The following SUN1 variants were observed in gnomAD, a reference collection of about 807,000 sequenced individuals.
SUN1 encodes the protein SUN domain-containing protein 1.
A neutral mutation model predicts 103.2 loss-of-function variants in SUN1; 61 were observed. The ratio of observed to expected loss-of-function variants is 0.59; its 90% CI spans 0.48 to 0.73. The LOEUF is 0.73. Ranked by LOEUF, SUN1 falls within the 30% of genes least tolerant of loss-of-function variation. SUN1 has a pLI of 0.00. For synonymous variants in SUN1, 490 were observed against 425.7 expected, an observed-to-expected ratio of 1.15 and a Z score of -1.86; for missense variants, 1,052 against 1,034.6, an observed-to-expected ratio of 1.02 and a Z score of -0.23.
intron 1 of SUN1, among the ~76,000 whole-genome samples, chr7:824,959 C>T (rs1024417885): frequency 6.6e-5 from 10 of 152,158 alleles, no homozygotes; most frequent in Non-Finnish European, 1.3e-4. Flanking sequence ...ACAGCTAAGG[C>T]AGTGGGAGAC....
chr7:819,811 C>A (rs183196516), intron 1 of SUN1, among the ~76,000 whole-genome samples: 1 of 149,260 alleles, frequency 6.7e-6, no homozygotes, highest in East Asian at 2.0e-4. Context: ...CAGGTTCAAA[C>A]GCTTCTCCCG....
chr7:855,785 C>G (rs969842991), intron 11 of SUN1, among the ~76,000 whole-genome samples: 4 of 152,016 alleles, frequency 2.6e-5, no homozygotes, highest in African/African-American at 4.8e-5. Context: ...CTGTGGGGCG[C>G]CTCCTCCTCT....
upstream of SUN1, among the ~76,000 whole-genome samples, chr7:828,357 C>T (rs543558645): frequency 2.0e-5 from 3 of 151,776 alleles, no homozygotes; most frequent in African/African-American, 7.3e-5. Flanking sequence ...CTGCAACCTC[C>T]ATCTCCTGGG....
intron 1 of SUN1, among the ~76,000 whole-genome samples, chr7:819,708 C>T (rs1396884190): frequency 2.4e-5 from 3 of 127,042 alleles, no homozygotes; most frequent in Non-Finnish European, 3.3e-5. Flanking sequence ...CCAATGCCAC[C>T]CTTTTTTTTT....
At chr7:845,163 C>T (rs1814180782) in intron 5 of SUN1, among the ~76,000 whole-genome samples, 1 of 152,202 alleles carries the variant, frequency 6.6e-6, no homozygotes, top group Non-Finnish European at 1.5e-5. Flanking sequence ...AAATGTGTGT[C>T]TCTCTGTGAC....
chr7:851,353 G>A lies in SUN1; in HGVS notation c.659-31G>A, dbSNP rs922160432. 7 of 1,554,386 alleles carry A rather than the reference G, an allele frequency of 4.5e-6. No individual in the cohort carries two copies. In the Admixed American group the frequency reaches 7.7e-5, roughly 17 times the overall value. On this transcript the variant is annotated intron_variant, in intron 5 of 18. Coordinates refer to ENST00000401592, the MANE Select transcript of SUN1 (RefSeq NM_001130965.3). ...CTGCAGAGGCTGGTCCCTGGCGTCT[G>A]TCTGAGGCCACACACGTCTTCCCTG...
At chr7:826,292 G>A (rs1200319850) in intron 1 of SUN1, among the ~76,000 whole-genome samples, 1 of 11,186 alleles carries the variant, frequency 8.9e-5, no homozygotes, top group Non-Finnish European at 1.8e-4. Context: ...GCTAGCTGCC[G>A]TTTGACAACC....
At position 874,361 on chromosome 7, in the gene SUN1, ATATT is replaced by A. The variant is rs66844144; in HGVS notation, c.*1033_*1036del. On this transcript the variant is annotated 3_prime_UTR_variant, in exon 19 of 19. Transcript: ENST00000401592. ...TCTTTTTGGTTATAATTACTATTTAATATTTAGACTATTTTACTGAGCAGACTTT... is the reference window on the plus strand; with the variant it reads ...TCTTTTTGGTTATAATTACTATTTAATAGACTATTTTACTGAGCAGACTTT... 328 of 152,722 alleles carry A rather than the reference ATATT, an allele frequency of 2.1e-3. 1 individual carries two copies. Among genetic ancestry groups the A allele is most frequent in the Non-Finnish European group, 3.3e-3 (221 of 67,996 alleles). The allele number at this position is 152,722 out of a possible 1,614,324, so 9.5% of individuals were successfully genotyped here. A position where few individuals can be genotyped will look rare whatever the true frequency, so the allele number is the denominator to read the frequency against.
At chr7:835,342 C>G (rs982103283) in intron 1 of SUN1, among the ~76,000 whole-genome samples, 2 of 152,240 alleles carry the variant, frequency 1.3e-5, no homozygotes, top group Admixed American at 6.5e-5. Flanking sequence ...CCTGGAACTT[C>G]ACTGGATTCT....
chr7:854,071 G>A (rs1452417054), intron 10 of SUN1, among the ~76,000 whole-genome samples: 2 of 152,226 alleles, frequency 1.3e-5, no homozygotes, highest in Non-Finnish European at 2.9e-5. Flanking sequence ...CGCGTGGGGG[G>A]ACCCAGGAAC....
Position 851,421 on chromosome 7 carries a change from T to C in SUN1, c.696T>C (p.Ala232=), listed in dbSNP as rs1351016857. The C allele has an allele frequency of 3.1e-6, 5 of 1,610,162 alleles. No homozygotes were observed. ...TGCAGATTCTGCGCAGGATCGGAGC[T>C]GTGGGCCAGGCTGTGTCCAGGACGG... is the stretch of plus-strand genomic sequence containing the variant. ...FLLQILRRIG[A]VGQAVSRTAW... is the part of the protein sequence containing the mutation. The change falls in exon 6 of 19, where the codon GCT becomes GCC. Residue 232 remains alanine (A), a synonymous_variant. Coordinates refer to ENST00000401592, the MANE Select transcript of SUN1 (RefSeq NM_001130965.3).
At position 860,402 on chromosome 7, in the gene SUN1, G is replaced by A; in HGVS notation, c.1779+20G>A. On this transcript the variant is annotated intron_variant, in intron 14 of 18. Transcript: ENST00000401592. ...GAGGCGGTGAGTCGGCGAGTCGGCG[G>A]CAAGAGATGCTTACAGTCCATTCTG... 6.2e-7 allele frequency: 1 copy of A among 1,608,400 alleles called. No homozygotes were observed. Among genetic ancestry groups the A allele is most frequent in the Non-Finnish European group, 8.5e-7 (1 of 1,176,792 alleles).
In SUN1 at chr7:873,432, C is replaced by A; in HGVS notation, c.*101C>A. 4 of 1,108,228 alleles carry A rather than the reference C, an allele frequency of 3.6e-6. No individual in the cohort carries two copies. Among genetic ancestry groups the A allele is most frequent in the South Asian group, 1.4e-5 (1 of 73,306 alleles). The allele number at this position is 1,108,228 out of a possible 1,614,324, so 68.6% of individuals were successfully genotyped here. On this transcript the variant is annotated 3_prime_UTR_variant, in exon 19 of 19. Coordinates refer to ENST00000401592, the MANE Select transcript of SUN1 (RefSeq NM_001130965.3). The stretch of plus-strand genomic sequence containing the variant: ...GGGCATATACAATGATGGGACAGTG[C>A]CACACTCCTTCAATAAACGTGGCTG...
chr7:865,442 C>G (rs540173066), intron 15 of SUN1, among the ~76,000 whole-genome samples: 1 of 152,126 alleles, frequency 6.6e-6, no homozygotes, highest in Admixed American at 6.6e-5. Context: ...CTGAATAGTA[C>G]TCCATTGTGT....
At chr7:849,630 G>C (rs572711824) in intron 5 of SUN1, 1 of 1,517,754 alleles carries the variant, frequency 6.6e-7, no homozygotes, top group South Asian at 1.1e-5. Context: ...TTTCCTGTGG[G>C]CGTCGGTCGT....
intron 1 of SUN1, among the ~76,000 whole-genome samples, chr7:824,945 C>T (rs1468788052): frequency 1.3e-5 from 2 of 152,170 alleles, no homozygotes; most frequent in African/African-American, 4.8e-5. Context: ...CGTGTCCACA[C>T]CTCACAGCTA....
intron 12 of SUN1, 137 bp from the exon 13 acceptor site, chr7:857,691 T>C (rs982468716): frequency 1.8e-6 from 2 of 1,137,880 alleles, no homozygotes; most frequent in African/African-American, 1.6e-5. Context: ...AGTTTCCACG[T>C]TAGTGTGGCA....
chr7:849,921 AGGCGAC>A, intron 5 of SUN1: 1 of 1,593,302 alleles, frequency 6.3e-7, no homozygotes, highest in East Asian at 2.3e-5. Flanking sequence ...CCACACCTGC[AGGCGAC>A]GACTGTAAGG....
At chr7:861,252 G>T in intron 14 of SUN1, 128 bp from the exon 15 acceptor site, 1 of 892,680 alleles carries the variant, frequency 1.1e-6, no homozygotes, top group Non-Finnish European at 1.8e-6. Context: ...CCATGCCTAG[G>T]AACCCTACAT....
Sources: allele counts gnomAD v4.1 joint callset (sites outside exome capture counted in the v4.1 genomes callset), GRCh38; gene constraint gnomAD v4.1.1; transcripts MANE v1.5; gene names NCBI Gene and HGNC (gene_info 2026-07-23, HGNC 2026-07-21).